The following ARID1B variants were observed in gnomAD, a reference collection of about 807,000 sequenced individuals.
The protein encoded by ARID1B is AT-rich interaction domain 1B.
A neutral mutation model predicts 212.3 loss-of-function variants in ARID1B; 30 were observed. That is an observed-to-expected ratio of 0.14 (90% CI 0.11 to 0.19). The LOEUF (loss-of-function observed/expected upper bound fraction) is 0.19. Ranked by LOEUF, ARID1B falls within the 10% of genes least tolerant of loss-of-function variation. ARID1B has a pLI of 1.00. For synonymous variants in ARID1B, 1,402 were observed against 1,301.7 expected (o/e 1.08, Z -1.66); for missense variants, 2,891 against 3,204.0 (o/e 0.90, Z 2.36).
intron 4 of ARID1B, among the ~76,000 whole-genome samples, chr6:156,945,964 AC>A (rs1793093238): frequency 1.3e-5 from 2 of 152,142 alleles, no homozygotes. Context: ...AGCAGTGATC[AC>A]GTCACTGTAC....
At chr6:157,127,292 A>G (rs1788196487) in intron 6 of ARID1B, among the ~76,000 whole-genome samples, 1 of 152,190 alleles carries the variant, frequency 6.6e-6, no homozygotes, top group Non-Finnish European at 1.5e-5. Flanking sequence ...GGAGGCCAGG[A>G]TGAGATCCTC....
At chr6:156,894,049 A>T (rs926525627) in intron 2 of ARID1B, among the ~76,000 whole-genome samples, 5 of 152,130 alleles carry the variant, frequency 3.3e-5, no homozygotes, top group African/African-American at 9.7e-5. Flanking sequence ...GTGTTTATCC[A>T]TGGGTGAGTG....
At chr6:156,841,526 A>G (rs1416409346) in intron 2 of ARID1B, among the ~76,000 whole-genome samples, 1 of 152,156 alleles carries the variant, frequency 6.6e-6, no homozygotes, top group Non-Finnish European at 1.5e-5. Flanking sequence ...CTTATTTGTA[A>G]ATATGAGAAG....
At chr6:157,140,800 G>A (rs1336947376) in intron 7 of ARID1B, 7 of 395,810 alleles carry the variant, frequency 1.8e-5, no homozygotes, top group East Asian at 3.6e-5. Flanking sequence ...TCCGGGATCC[G>A]CTTCTGCCCC....
chr6:157,181,075 A>C lies in ARID1B; in HGVS notation c.3611A>C (p.Glu1204Ala). ...GTCGACCGATACCTCACCTTCATGGAAGAGAGAGGCTCTCCTGTCTCAAGT... is the reference window on the plus strand; with the variant it reads ...GTCGACCGATACCTCACCTTCATGGCAGAGAGAGGCTCTCCTGTCTCAAGT... ...LWVDRYLTFM[E>A]ERGSPVSSLP... Residue 1204 changes from glutamate (E) to alanine (A), a missense_variant, in exon 12 of 20, where the codon GAA becomes GCA. Physicochemically the swap from Glu to Ala is moderately radical, Grantham distance 107. Around this residue, in one of 7 missense-constraint regions of ARID1B, gnomAD observed 666 missense variants for 873.5 expected, o/e 0.76. Transcript: ENST00000636930. 1 of 1,614,156 alleles carries C rather than the reference A, an allele frequency of 6.2e-7. No individual in the cohort carries two copies.
intron 2 of ARID1B, among the ~76,000 whole-genome samples, chr6:156,840,995 G>A (rs1783860547): frequency 6.6e-6 from 1 of 152,178 alleles, no homozygotes; most frequent in South Asian, 2.1e-4. Flanking sequence ...ATTCAACAGT[G>A]CTTACTGAAG....
intron 12 of ARID1B, among the ~76,000 whole-genome samples, chr6:157,183,834 A>G (rs1034183523): frequency 9.2e-5 from 14 of 152,218 alleles, no homozygotes; most frequent in Admixed American, 3.3e-4. Flanking sequence ...GCCCAGAATC[A>G]CAGGCCCACT....
At chr6:157,013,578 C>T (rs747986235) in intron 4 of ARID1B, among the ~76,000 whole-genome samples, 1 of 152,214 alleles carries the variant, frequency 6.6e-6, no homozygotes, top group Non-Finnish European at 1.5e-5. Flanking sequence ...TGTCACGAGC[C>T]AAGTATTTCA....
chr6:156,918,915 A>G (rs542934446), intron 3 of ARID1B, among the ~76,000 whole-genome samples: 11 of 152,268 alleles, frequency 7.2e-5, no homozygotes, highest in African/African-American at 1.9e-4. Flanking sequence ...AAAAACTAGT[A>G]TAGTAAAAGC....
chr6:157,208,031 G>A lies in ARID1B; in HGVS notation c.*140G>A. On this transcript the variant is annotated 3_prime_UTR_variant, in exon 20 of 20. Transcript: ENST00000636930. ...CTGCCCCATTCACTATTTACCAATT[G>A]GGAATTAAAGAAATAATTAATTTGA... The A allele has an allele frequency of 1.2e-6, 1 of 863,358 alleles. No individual in the cohort carries two copies. The highest frequency in any genetic ancestry group is 1.6e-6 in the Non-Finnish European group (1 of 622,322). 53.5% of individuals were successfully genotyped at this position (863,358 alleles called of 1,614,324 possible).
chr6:156,808,703 CATT>C (rs958457344), intron 1 of ARID1B, among the ~76,000 whole-genome samples: 6 of 152,100 alleles, frequency 3.9e-5, no homozygotes, highest in Admixed American at 6.5e-5. Flanking sequence ...AAAATAAAAA[CATT>C]ATCTGTATTG....
At chr6:157,056,721 A>G (rs1051795579) in intron 4 of ARID1B, among the ~76,000 whole-genome samples, 1 of 152,196 alleles carries the variant, frequency 6.6e-6, no homozygotes, top group Non-Finnish European at 1.5e-5. Context: ...TTTTGTCTAA[A>G]CAATATTTTA....
At chr6:156,827,414 C>T (rs1191419818) in intron 1 of ARID1B, among the ~76,000 whole-genome samples, 1 of 152,214 alleles carries the variant, frequency 6.6e-6, no homozygotes, top group Non-Finnish European at 1.5e-5. Context: ...CCCACCACTG[C>T]TGCCAGTTCA....
intron 2 of ARID1B, among the ~76,000 whole-genome samples, chr6:156,898,288 A>G (rs374544239): frequency 3.3e-5 from 5 of 152,318 alleles, no homozygotes; most frequent in African/African-American, 1.2e-4. Flanking sequence ...AGGGTTTGCA[A>G]AGCTTGGGAC....
At chr6:156,839,752 G>A (rs927874720) in intron 2 of ARID1B, among the ~76,000 whole-genome samples, 15 of 152,230 alleles carry the variant, frequency 9.9e-5, no homozygotes, top group African/African-American at 3.1e-4. Flanking sequence ...GCAGCAGGCC[G>A]TGAGAGTGAT....
At chr6:156,890,525 G>A (rs889813265) in intron 2 of ARID1B, among the ~76,000 whole-genome samples, 2 of 152,158 alleles carry the variant, frequency 1.3e-5, no homozygotes, top group African/African-American at 4.8e-5. Context: ...GTTTCAGAAA[G>A]CCTGTTAAAA....
At chr6:157,205,715 A>C (rs1794394820) in intron 19 of ARID1B, 1 of 157,538 alleles carries the variant, frequency 6.3e-6, no homozygotes, top group Non-Finnish European at 1.4e-5. Context: ...AACAACCATA[A>C]AAATCCCGGC....
chr6:157,140,087 G>A (rs528414570), intron 7 of ARID1B, among the ~76,000 whole-genome samples: 82 of 152,146 alleles, frequency 5.4e-4, no homozygotes, highest in Non-Finnish European at 5.4e-4. Context: ...AATAAATTGC[G>A]TATCTGTGCG....
chr6:156,943,161 T>C (rs1018749535), intron 4 of ARID1B: 5 of 152,216 alleles, frequency 3.3e-5, no homozygotes, highest in Non-Finnish European at 5.9e-5. Context: ...TTTTGCCTTC[T>C]CTAAATTGTT....
Sources: gnomAD v4.1 joint callset for allele counts (sites outside exome capture counted in the v4.1 genomes callset) on GRCh38, gnomAD v4.1.1 for gene constraint, gnomAD v4.1.1 regional missense constraint, MANE v1.5 for transcripts, NCBI Gene and HGNC (gene_info 2026-07-23, HGNC 2026-07-21) for gene names.